Variants in ARMC6 observed in about 807,000 individuals in gnomAD.
ARMC6 encodes armadillo repeat-containing protein 6.
A neutral mutation model predicts 49.2 loss-of-function variants in ARMC6; 43 were observed. The observed-to-expected ratio is 0.87, with a 90% CI of 0.69 to 1.13. ARMC6 has a LOEUF of 1.13. Ranked by LOEUF, ARMC6 falls within the 50% of genes most tolerant of loss-of-function variation. The pLI is 0.00. For missense variants in ARMC6, 627 were observed against 682.0 expected, an observed-to-expected ratio of 0.92 and a Z score of 0.90; for synonymous variants, 262 against 289.6, an observed-to-expected ratio of 0.90 and a Z score of 0.97.
At chr19:19,045,792 C>G (rs1307390238) in intron 4 of ARMC6, among the ~76,000 whole-genome samples, 1 of 151,980 alleles carries the variant, frequency 6.6e-6, no homozygotes, top group Admixed American at 6.6e-5. Context: ...GCTGGGACTA[C>G]AGGCGCCCGC....
chr19:19,033,751 G>T lies in ARMC6; in HGVS notation c.-259G>T. 3.9e-6 allele frequency: 1 copy of T among 255,468 alleles called. No homozygotes were observed. The allele number at this position is 255,468 out of a possible 1,614,324, so 15.8% of individuals were successfully genotyped here. On this transcript the variant is annotated 5_prime_UTR_variant, in exon 1 of 9. Coordinates refer to ENST00000535612, the MANE Select transcript of ARMC6 (RefSeq NM_001199196.2). ...CCTCCGTCGCGCACGAGGTGGCCTC[G>T]TTGGCTTTACCTTGGTTCGCGGTCG... is the stretch of plus-strand genomic sequence containing the variant.
In ARMC6 at chr19:19,055,547, T is replaced by C. The variant is rs1313287197; in HGVS notation, c.1155+151T>C. On this transcript the variant is annotated intron_variant, in intron 7 of 8. Coordinates refer to ENST00000535612, the MANE Select transcript of ARMC6 (RefSeq NM_001199196.2). This position sits in a 1 kb window ranked among gnomAD's most constrained non-coding sequence, Gnocchi z 5.7. ...TGGCTCTCAAATGCTGACCTGCGTA[T>C]GCATGACTTTGGGTGTCCTGGAGTT... 4 of 1,264,888 alleles carry C rather than the reference T, an allele frequency of 3.2e-6. No individual in the cohort carries two copies. The highest frequency in any genetic ancestry group is 1.5e-5 in the African/African-American group (1 of 66,534). The allele number at this position is 1,264,888 out of a possible 1,614,324, so 78.4% of individuals were successfully genotyped here.
intron 6 of ARMC6, among the ~76,000 whole-genome samples, 197 bp downstream of exon 6, chr19:19,054,518 C>T (rs995407438): frequency 2.0e-5 from 3 of 152,116 alleles, no homozygotes; most frequent in Non-Finnish European, 4.4e-5. Context: ...TCCTTTTGCA[C>T]CAGGAAAAGG....
chr19:19,048,030 G>A (rs2059465547), intron 4 of ARMC6, among the ~76,000 whole-genome samples: 1 of 151,920 alleles, frequency 6.6e-6, no homozygotes, highest in Admixed American at 6.6e-5. Flanking sequence ...TGGCCAACAT[G>A]GCAAAACCCA....
intron 2 of ARMC6, 47 bp from the exon 3 acceptor site, chr19:19,042,664 T>C: frequency 6.2e-7 from 1 of 1,601,120 alleles, no homozygotes; most frequent in Non-Finnish European, 8.5e-7. Flanking sequence ...GCCCTGCCAT[T>C]GCCTGCTCAC....
intron 2 of ARMC6, among the ~76,000 whole-genome samples, chr19:19,037,265 G>A (rs2059378100): frequency 1.3e-5 from 2 of 152,202 alleles, no homozygotes; most frequent in South Asian, 2.1e-4. Context: ...TCCTTCTCCC[G>A]TCAGGCAGTG....
rs2059531791 is a variant in ARMC6 at position 19,055,040 on chromosome 19, G to A, written c.1024-225G>A. 6.6e-6 allele frequency among the ~76,000 whole-genome samples: 1 copy of A among 152,190 alleles called. No individual in the cohort carries two copies. The highest frequency in any genetic ancestry group is 2.4e-5 in the African/African-American group (1 of 41,448). ...CTCTGAAGGCCGGCCTGAGTCACAT[G>A]CCCCCGCTGCCCCTGTCGGGGTAGG... On this transcript the variant is annotated intron_variant, in intron 6 of 8. Coordinates refer to ENST00000535612, the MANE Select transcript of ARMC6 (RefSeq NM_001199196.2). The surrounding 1 kb of genome is among the most constrained non-coding windows in gnomAD (Gnocchi z 5.7).
At chr19:19,041,198 G>C (rs1055066965) in intron 2 of ARMC6, among the ~76,000 whole-genome samples, 7 of 152,146 alleles carry the variant, frequency 4.6e-5, no homozygotes, top group Non-Finnish European at 1.0e-4. Context: ...CAGTGCTCCT[G>C]TGCTGTCATT....
At chr19:19,045,204 A>T (rs1245217657) in intron 4 of ARMC6, among the ~76,000 whole-genome samples, 1 of 152,020 alleles carries the variant, frequency 6.6e-6, no homozygotes, top group Non-Finnish European at 1.5e-5. Flanking sequence ...GTAGAGACGA[A>T]GTTTCACTAT....
Position 19,057,876 on chromosome 19 carries a change from C to T in ARMC6, c.*248C>T, listed in dbSNP as rs145638613. On this transcript the variant is annotated 3_prime_UTR_variant, in exon 9 of 9. Transcript: ENST00000535612. Reference sequence around the variant, plus strand: ...CAGCAGCACGGATGTTACTGTCCTGCTCCTTCCCCCAGCCCCACGCCCTAC... The same window carrying T: ...CAGCAGCACGGATGTTACTGTCCTGTTCCTTCCCCCAGCCCCACGCCCTAC... 3.5e-5 allele frequency: 23 copies of T among 652,826 alleles called. No individual in the cohort carries two copies. Among genetic ancestry groups the T allele is most frequent in the Admixed American group, 8.5e-5 (4 of 47,238 alleles). 40.4% of individuals were successfully genotyped at this position (652,826 alleles called of 1,614,324 possible). A position where few individuals can be genotyped will look rare whatever the true frequency, so the allele number is the denominator to read the frequency against.
intron 6 of ARMC6, 77 bp downstream of exon 6, chr19:19,054,398 C>A (rs1360676303): frequency 6.7e-6 from 9 of 1,351,316 alleles, no homozygotes; most frequent in Non-Finnish European, 8.7e-6. Flanking sequence ...TCAGAACAAG[C>A]CAGCCCTGCC....
Position 19,054,175 on chromosome 19 carries a change from C to A in ARMC6, c.877C>A (p.Leu293Met). ...AGCGTTCCTGGATAACCCTGGCATC[C>A]TGAGCGAGCTCTGTGGAACCCTGTC... ...TKAFLDNPGILSELCGTLSRL... is the reference protein window; with the variant it reads ...TKAFLDNPGIMSELCGTLSRL... Residue 293 changes from leucine (L) to methionine (M), a missense_variant, in exon 6 of 9, where the codon CTG (leucine) becomes ATG (methionine). Transcript: ENST00000535612. The A allele has an allele frequency of 6.3e-7, 1 of 1,596,370 alleles. No homozygotes were observed.
intron 4 of ARMC6, among the ~76,000 whole-genome samples, chr19:19,048,519 A>G (rs1181072224): frequency 7.0e-6 from 1 of 143,050 alleles, no homozygotes; most frequent in Non-Finnish European, 1.5e-5. Context: ...TGAGACTCAG[A>G]AAAAAAAAAA....
At chr19:19,044,451 G>C (rs924052192) in intron 4 of ARMC6, among the ~76,000 whole-genome samples, 19 of 152,236 alleles carry the variant, frequency 1.2e-4, no homozygotes, top group African/African-American at 4.6e-4. Flanking sequence ...AGCACTGACT[G>C]TTTACCAGCA....
At chr19:19,043,921 C>T in intron 3 of ARMC6, 71 bp from the exon 4 acceptor site, 3 of 1,435,892 alleles carry the variant, frequency 2.1e-6, no homozygotes, top group Non-Finnish European at 2.9e-6. Context: ...GTGATTCCAG[C>T]AGGCCCACGG....
intron 6 of ARMC6, 24 bp downstream of exon 6, chr19:19,054,345 G>A (rs375146012): frequency 1.7e-5 from 25 of 1,504,316 alleles, no homozygotes; most frequent in Non-Finnish European, 2.1e-5. Flanking sequence ...CTGGCCCATT[G>A]CGTGCTGTCC....
chr19:19,042,238 CATT>C (rs2059416530), intron 2 of ARMC6, among the ~76,000 whole-genome samples: 1 of 152,212 alleles, frequency 6.6e-6, no homozygotes, highest in Admixed American at 6.5e-5. Flanking sequence ...ATAAGATAAT[CATT>C]ATTATTTGCT....
intron 4 of ARMC6, among the ~76,000 whole-genome samples, chr19:19,046,121 C>T (rs972607527): frequency 3.9e-5 from 6 of 152,140 alleles, no homozygotes; most frequent in Admixed American, 1.3e-4. Context: ...ACTGAAAGGC[C>T]GTTCTACCAG....
intron 4 of ARMC6, among the ~76,000 whole-genome samples, chr19:19,046,941 T>TTTTTG (rs2059456252): frequency 9.9e-6 from 1 of 100,512 alleles, no homozygotes; most frequent in Non-Finnish European, 2.2e-5. Flanking sequence ...TTTTTTTTTT[T>TTTTTG]TCTTTTTCTA....
Sources: allele counts gnomAD v4.1 joint callset (sites outside exome capture counted in the v4.1 genomes callset), GRCh38; gene constraint gnomAD v4.1.1; non-coding constraint Gnocchi (gnomAD v3.1); transcripts MANE v1.5; gene names NCBI Gene and HGNC (gene_info 2026-07-23, HGNC 2026-07-21).